The following PEBP4 variants were observed in gnomAD, a reference collection of about 807,000 sequenced individuals.
PEBP4 encodes the protein phosphatidylethanolamine binding protein 4.
In PEBP4, 22 loss-of-function variants were observed where a neutral mutation model predicts 23.9. That is an observed-to-expected ratio of 0.92 (90% CI 0.66 to 1.31). The LOEUF (loss-of-function observed/expected upper bound fraction) is 1.31. Among genes scored for constraint, PEBP4 ranks in the 40% most tolerant of loss-of-function variants. The pLI is 0.00. For synonymous variants in PEBP4, 112 were observed against 99.3 expected (o/e 1.13, Z -0.76); for missense variants, 324 against 281.7 (o/e 1.15, Z -1.07).
intron 3 of PEBP4, among the ~76,000 whole-genome samples, chr8:22,874,267 T>A (rs1035402695): frequency 2.0e-5 from 3 of 152,034 alleles, no homozygotes; most frequent in Non-Finnish European, 2.9e-5. Flanking sequence ...GGAAAAAAAA[T>A]TATTATTTCA....
intron 4 of PEBP4, among the ~76,000 whole-genome samples, chr8:22,766,478 A>T (rs1805617645): frequency 2.6e-5 from 4 of 152,188 alleles, no homozygotes; most frequent in Admixed American, 1.3e-4. Context: ...GCATGGTATG[A>T]AATTTCTGAA....
At chr8:22,861,754 A>C (rs894296113) in intron 3 of PEBP4, among the ~76,000 whole-genome samples, 5 of 152,344 alleles carry the variant, frequency 3.3e-5, no homozygotes, top group African/African-American at 9.6e-5. Context: ...ATTAAAGAGA[A>C]ATATCAAGAA....
At chr8:22,834,005 G>A (rs1286678924) in intron 3 of PEBP4, among the ~76,000 whole-genome samples, 1 of 152,134 alleles carries the variant, frequency 6.6e-6, no homozygotes, top group Non-Finnish European at 1.5e-5. Flanking sequence ...AGCTCAGTTC[G>A]GTTCATTAGA....
intron 3 of PEBP4, among the ~76,000 whole-genome samples, chr8:22,862,957 C>A (rs376136558): frequency 4.6e-5 from 7 of 152,070 alleles, no homozygotes; most frequent in Non-Finnish European, 7.4e-5. Flanking sequence ...CCCGCCCCCA[C>A]GCCTGGATGA....
At chr8:22,906,462 A>G (rs1403319368) in intron 3 of PEBP4, among the ~76,000 whole-genome samples, 1 of 152,098 alleles carries the variant, frequency 6.6e-6, no homozygotes, top group African/African-American at 2.4e-5. Context: ...GGGATAAAGT[A>G]TTTCCTTCAA....
intron 3 of PEBP4, among the ~76,000 whole-genome samples, chr8:22,839,557 A>G (rs1163561472): frequency 6.6e-6 from 1 of 152,236 alleles, no homozygotes; most frequent in East Asian, 1.9e-4. Context: ...ACTACAACAT[A>G]GTGAGGGTTC....
At chr8:22,843,997 T>C (rs750900453) in intron 3 of PEBP4, among the ~76,000 whole-genome samples, 4 of 152,158 alleles carry the variant, frequency 2.6e-5, no homozygotes, top group Non-Finnish European at 5.9e-5. Flanking sequence ...ACAAAAGCGC[T>C]GATTCAGTTG....
chr8:22,920,792 C>A (rs1477218212), intron 2 of PEBP4, among the ~76,000 whole-genome samples: 2 of 152,216 alleles, frequency 1.3e-5, no homozygotes, highest in Admixed American at 6.5e-5. Context: ...TTCTCTCTCC[C>A]CTAAACAATC....
intron 4 of PEBP4, among the ~76,000 whole-genome samples, chr8:22,778,030 G>A (rs772831805): frequency 8.5e-5 from 13 of 152,208 alleles, no homozygotes; most frequent in East Asian, 3.9e-4. Flanking sequence ...GATGGGACCC[G>A]CGAGGCAGAA....
chr8:22,846,044 A>C (rs12676524), intron 3 of PEBP4, among the ~76,000 whole-genome samples: 46,095 of 152,178 alleles, frequency 0.3, 7,917 homozygotes, highest in East Asian at 0.61. Context: ...AAAGAGCTAG[A>C]GATGCCAGGA....
chr8:22,771,653 C>CAG (rs1805719909), intron 4 of PEBP4, among the ~76,000 whole-genome samples: 1 of 152,204 alleles, frequency 6.6e-6, no homozygotes, highest in East Asian at 1.9e-4. Flanking sequence ...AGGGCGCAGA[C>CAG]ACTGGACCAA....
chr8:22,780,479 A>G (rs954807087), intron 4 of PEBP4, among the ~76,000 whole-genome samples: 3 of 152,140 alleles, frequency 2.0e-5, no homozygotes, highest in African/African-American at 7.2e-5. Context: ...CCTCCCTGGG[A>G]AGCCAGGCAC....
intron 3 of PEBP4, among the ~76,000 whole-genome samples, chr8:22,845,181 C>T (rs1471244721): frequency 2.6e-5 from 4 of 152,220 alleles, no homozygotes; most frequent in Admixed American, 6.5e-5. Flanking sequence ...CAACAGTCAG[C>T]GCTGAGCAGC....
At chr8:22,861,305 T>C (rs932263220) in intron 3 of PEBP4, among the ~76,000 whole-genome samples, 3 of 152,220 alleles carry the variant, frequency 2.0e-5, no homozygotes, top group African/African-American at 7.2e-5. Context: ...CTCAGACGTT[T>C]TGTGCTCTTT....
At chr8:22,720,094 G>T (rs1444071674) in intron 6 of PEBP4, among the ~76,000 whole-genome samples, 2 of 152,256 alleles carry the variant, frequency 1.3e-5, no homozygotes, top group African/African-American at 4.8e-5. Flanking sequence ...ACAGGTGGGA[G>T]AAGGGAAAGA....
At chr8:22,889,095 T>C (rs768594496) in intron 3 of PEBP4, among the ~76,000 whole-genome samples, 4 of 152,258 alleles carry the variant, frequency 2.6e-5, no homozygotes, top group Non-Finnish European at 4.4e-5. Context: ...CCAGGCTTAC[T>C]GCCGGGCACA....
chr8:22,821,853 C>T (rs1413527299), intron 3 of PEBP4, among the ~76,000 whole-genome samples: 2 of 151,910 alleles, frequency 1.3e-5, no homozygotes, highest in Non-Finnish European at 2.9e-5. Context: ...GGCGTGGTGG[C>T]GGGTGCCTGT....
chr8:22,791,294 T>C (rs898882087), intron 4 of PEBP4, among the ~76,000 whole-genome samples: 1 of 152,070 alleles, frequency 6.6e-6, no homozygotes, highest in African/African-American at 2.4e-5. Context: ...TCCTGCAGTC[T>C]TCTTTCCTCA....
chr8:22,920,549 G>T (rs1266382277), intron 2 of PEBP4, among the ~76,000 whole-genome samples: 1 of 152,150 alleles, frequency 6.6e-6, no homozygotes, highest in Non-Finnish European at 1.5e-5. Flanking sequence ...AAGAAAAGTG[G>T]CGGTCAATGG....
Sources: gnomAD v4.1 joint callset for allele counts (sites outside exome capture counted in the v4.1 genomes callset) on GRCh38, gnomAD v4.1.1 for gene constraint, MANE v1.5 for transcripts, NCBI Gene and HGNC (gene_info 2026-07-23, HGNC 2026-07-21) for gene names.